Variants in LPXN observed in about 807,000 individuals in gnomAD.
The protein encoded by LPXN is leupaxin.
Under a neutral mutation model 45.6 loss-of-function variants are expected in LPXN, and 28 were observed. The observed-to-expected ratio is 0.61, with a 90% CI of 0.45 to 0.84. The LOEUF is 0.84. LPXN is among the 40% of genes least tolerant of loss of function. LPXN has a pLI of 0.00. For missense variants in LPXN, 459 were observed against 475.0 expected (o/e 0.97, Z 0.31); for synonymous variants, 166 against 169.9 (o/e 0.98, Z 0.18).
chr11:58,577,866 A>C, upstream of LPXN: 1 of 843,184 alleles, frequency 1.2e-6, no homozygotes, highest in South Asian at 1.8e-5. Context: ...AACAAGGTCT[A>C]GTAGAAAAGC....
chr11:58,529,427 G>A (rs867519390), intron 7 of LPXN, among the ~76,000 whole-genome samples: 6 of 151,768 alleles, frequency 4.0e-5, no homozygotes, highest in Admixed American at 1.3e-4. Flanking sequence ...TGGCTAACAC[G>A]GTGAAACCCC....
At chr11:58,559,704 C>T (rs74556128) in intron 3 of LPXN, among the ~76,000 whole-genome samples, 16,680 of 151,916 alleles carry the variant, frequency 0.11, 1,162 homozygotes, top group Admixed American at 0.16. Flanking sequence ...AGGGAGACTC[C>T]ATCTCTATGA....
At chr11:58,568,576 C>T (rs1365709052) in intron 2 of LPXN, among the ~76,000 whole-genome samples, 4 of 150,784 alleles carry the variant, frequency 2.7e-5, no homozygotes, top group African/African-American at 9.8e-5. Flanking sequence ...GCACTCCAGC[C>T]TGCACGACAG....
chr11:58,577,448 T>C (rs1453742753), upstream of LPXN, among the ~76,000 whole-genome samples: 2 of 152,206 alleles, frequency 1.3e-5, no homozygotes, highest in Non-Finnish European at 2.9e-5. Flanking sequence ...AATTTAAAAT[T>C]GGATCCCCAG....
In LPXN at chr11:58,527,293, C is replaced by T; in HGVS notation, c.*161G>A. On this transcript the variant is annotated 3_prime_UTR_variant, in exon 9 of 9. Coordinates refer to ENST00000395074, the MANE Select transcript of LPXN (RefSeq NM_004811.3). Reference sequence around the variant, plus strand: ...GAAGCCTAAAAAATAAGATTATCAGCCTAGTCATGTAAAGTCTAGAAGTTC... The same window carrying T: ...GAAGCCTAAAAAATAAGATTATCAGTCTAGTCATGTAAAGTCTAGAAGTTC... The T allele has an allele frequency of 4.6e-6, 3 of 651,436 alleles. No homozygotes were observed. Among genetic ancestry groups the T allele is most frequent in the Non-Finnish European group, 7.9e-6 (3 of 381,330 alleles). The allele number at this position is 651,436 out of a possible 1,614,324, so 40.4% of individuals were successfully genotyped here.
upstream of LPXN, chr11:58,577,989 T>C (rs1192891866): frequency 9.7e-6 from 15 of 1,549,904 alleles, no homozygotes; most frequent in East Asian, 9.8e-5. Flanking sequence ...CGCTGACCTC[T>C]AGGAGCTCAC....
At chr11:58,566,460 T>C (rs983440093) in intron 2 of LPXN, among the ~76,000 whole-genome samples, 2 of 152,246 alleles carry the variant, frequency 1.3e-5, no homozygotes, top group Admixed American at 6.5e-5. Context: ...TGTCTATATC[T>C]GTGATTGTTT....
At chr11:58,550,236 T>C (rs1854009221) in intron 5 of LPXN, 90 bp from the exon 6 acceptor site, 1 of 1,202,054 alleles carries the variant, frequency 8.3e-7, no homozygotes, top group Non-Finnish European at 1.2e-6. Flanking sequence ...CTCTTCACAT[T>C]GTACCCCTTG....
upstream of LPXN, chr11:58,578,008 G>A (rs1006587657): frequency 8.4e-6 from 13 of 1,550,714 alleles, no homozygotes; most frequent in Non-Finnish European, 1.1e-5. Flanking sequence ...ACAGGTGAGT[G>A]ACTCACACAC....
intron 1 of LPXN, among the ~76,000 whole-genome samples, 188 bp downstream of exon 1, chr11:58,575,572 A>G (rs1457027377): frequency 6.6e-6 from 1 of 152,186 alleles, no homozygotes; most frequent in Non-Finnish European, 1.5e-5. Context: ...CAAACAGTGA[A>G]CCCATAGTTC....
upstream of LPXN, chr11:58,578,054 G>A: frequency 1.3e-6 from 2 of 1,550,530 alleles, no homozygotes; most frequent in Admixed American, 3.9e-5. Flanking sequence ...CATGAACGCT[G>A]GCTAGCCAGT....
chr11:58,575,676 T>C (rs1854863702), intron 1 of LPXN, 84 bp downstream of exon 1: 2 of 1,473,206 alleles, frequency 1.4e-6, no homozygotes, highest in Non-Finnish European at 1.9e-6. Context: ...ACCCTCAGTC[T>C]AGCCAGAAGT....
At chr11:58,565,459 G>A (rs993554079) in intron 2 of LPXN, among the ~76,000 whole-genome samples, 10 of 151,600 alleles carry the variant, frequency 6.6e-5, no homozygotes, top group South Asian at 2.1e-4. Flanking sequence ...GCTTGAACCC[G>A]GGAGGCAGAG....
rs140400176 is a variant in LPXN at position 58,560,492 on chromosome 11, T to C, written c.218+3663A>G. Among the ~76,000 whole-genome samples the C allele has an allele frequency of 2.5e-3, 387 of 152,332 alleles. 2 individuals are homozygous for C. Among genetic ancestry groups the C allele is most frequent in the African/African-American group, 8.5e-3 (355 of 41,576 alleles). The stretch of plus-strand genomic sequence containing the variant: ...ACATTTTGGCTGATACCATTACACT[T>C]AACTATGATTGTGTGTAATTTTAGA... On this transcript the variant is annotated intron_variant, in intron 3 of 8. Transcript: ENST00000395074.
At chr11:58,559,210 T>G (rs1854299337) in intron 3 of LPXN, among the ~76,000 whole-genome samples, 1 of 152,046 alleles carries the variant, frequency 6.6e-6, no homozygotes, top group Non-Finnish European at 1.5e-5. Flanking sequence ...AAATATGAAT[T>G]TTATATATAT....
In LPXN at chr11:58,528,074, G is replaced by C; in HGVS notation, c.860C>G (p.Thr287Ser). ...VLENYLSAMD[T>S]VWHPECFVCG... ...AACAAAGCACTCTGGGTGCCAGACA[G>C]TGTCCATGGCTGAAAGGTAGTTTTC... The change falls in exon 8 of 9, where the codon ACT becomes AGT. Residue 287 changes from threonine to serine, a missense_variant. Thr to Ser is a moderately conservative substitution (Grantham distance 58). Coordinates refer to ENST00000395074, the MANE Select transcript of LPXN (RefSeq NM_004811.3). 1 of 1,614,196 alleles carries C rather than the reference G, an allele frequency of 6.2e-7. No individual in the cohort carries two copies. Among genetic ancestry groups the C allele is most frequent in the South Asian group, 1.1e-5 (1 of 91,080 alleles).
chr11:58,541,053 G>A (rs1352463603), intron 7 of LPXN, among the ~76,000 whole-genome samples: 1 of 152,100 alleles, frequency 6.6e-6, no homozygotes, highest in Non-Finnish European at 1.5e-5. Context: ...ATGGATTAAA[G>A]ACTTACATGT....
At chr11:58,548,126 C>G (rs1853930361) in intron 7 of LPXN, among the ~76,000 whole-genome samples, 1 of 152,122 alleles carries the variant, frequency 6.6e-6, no homozygotes, top group African/African-American at 2.4e-5. Context: ...AAAATAGTTT[C>G]CACTTAGAAT....
chr11:58,539,781 T>C (rs1853660487), intron 7 of LPXN, among the ~76,000 whole-genome samples: 2 of 152,174 alleles, frequency 1.3e-5, no homozygotes, highest in South Asian at 4.1e-4. Context: ...ATCTCACCTT[T>C]CCTGTATGAG....
Sources: gnomAD v4.1 joint callset for allele counts (sites outside exome capture counted in the v4.1 genomes callset) on GRCh38, gnomAD v4.1.1 for gene constraint, MANE v1.5 for transcripts, NCBI Gene and HGNC (gene_info 2026-07-23, HGNC 2026-07-21) for gene names.